CSMD1: variants seen among roughly 807,000 people sequenced by gnomAD.
CSMD1 encodes CUB and Sushi multiple domains 1, also known as CUB and sushi domain-containing protein 1.
CSMD1 carries 213 observed loss-of-function variants against 417.5 expected under a neutral mutation model. The observed-to-expected ratio is 0.51, with a 90% CI of 0.46 to 0.57. The LOEUF is 0.57. Ranked by LOEUF, CSMD1 falls within the 20% of genes least tolerant of loss-of-function variation. CSMD1 has a pLI of 0.00. For synonymous variants in CSMD1, 2,862 were observed against 1,736.8 expected (o/e 1.65, Z -16.11); for missense variants, 6,923 against 4,529.7 (o/e 1.53, Z -15.17).
intron 42 of CSMD1, among the ~76,000 whole-genome samples, chr8:3,113,659 T>G (rs566264212): frequency 2.9e-4 from 44 of 152,216 alleles, no homozygotes; most frequent in Non-Finnish European, 4.4e-5. Flanking sequence ...CTTCGTTCAT[T>G]GACATCCCTG....
At chr8:4,453,839 T>TTTTC (rs869210142) in intron 2 of CSMD1, among the ~76,000 whole-genome samples, 1 of 133,802 alleles carries the variant, frequency 7.5e-6, no homozygotes, top group Non-Finnish European at 1.6e-5. Context: ...TTTTTTTTTT[T>TTTTC]GAGACAGAGT....
At chr8:4,424,068 G>C (rs1563158589) in intron 2 of CSMD1, among the ~76,000 whole-genome samples, 1 of 151,896 alleles carries the variant, frequency 6.6e-6, no homozygotes, top group Non-Finnish European at 1.5e-5. Context: ...AAATATAAAT[G>C]TAAAATGTAA....
intron 26 of CSMD1, among the ~76,000 whole-genome samples, chr8:3,276,037 GT>G (rs1340702691): frequency 6.6e-6 from 1 of 152,122 alleles, no homozygotes; most frequent in Non-Finnish European, 1.5e-5. Context: ...TTTCTGCTCT[GT>G]TTTTTCCCCA....
chr8:3,733,358 TAATA>T (rs1423145074), intron 6 of CSMD1, among the ~76,000 whole-genome samples: 2 of 147,898 alleles, frequency 1.4e-5, no homozygotes, highest in Non-Finnish European at 3.0e-5. Context: ...ATTATATATA[TAATA>T]TATATATAAA....
intron 3 of CSMD1, among the ~76,000 whole-genome samples, chr8:4,296,205 C>G (rs934835190): frequency 3.3e-5 from 5 of 152,050 alleles, no homozygotes; most frequent in Admixed American, 6.6e-5. Flanking sequence ...CAACTCATCT[C>G]CAGCTGGGTC....
chr8:3,698,769 G>A (rs990878098), intron 7 of CSMD1, among the ~76,000 whole-genome samples: 7 of 152,140 alleles, frequency 4.6e-5, no homozygotes, highest in Admixed American at 1.3e-4. Context: ...ATCCATATGC[G>A]GACTAATAGA....
At chr8:4,676,802 T>G (rs2130963371) in intron 1 of CSMD1, among the ~76,000 whole-genome samples, 1 of 152,034 alleles carries the variant, frequency 6.6e-6, no homozygotes, top group African/African-American at 2.4e-5. Context: ...GAGTTGCTCA[T>G]TTTATAAAAT....
intron 3 of CSMD1, among the ~76,000 whole-genome samples, chr8:4,074,361 T>A (rs925199315): frequency 1.3e-5 from 2 of 152,124 alleles, no homozygotes; most frequent in African/African-American, 4.8e-5. Context: ...TAGTATTTAG[T>A]CCATAAATGA....
chr8:4,395,018 C>A (rs575019102), intron 3 of CSMD1, among the ~76,000 whole-genome samples: 1 of 152,126 alleles, frequency 6.6e-6, no homozygotes. Flanking sequence ...AGACCCTTTC[C>A]CTCTGCGTGG....
chr8:3,490,195 T>C (rs1818288620), intron 11 of CSMD1, among the ~76,000 whole-genome samples: 1 of 152,208 alleles, frequency 6.6e-6, no homozygotes, highest in Non-Finnish European at 1.5e-5. Context: ...GCTGATTAAA[T>C]GCCCAGCTGA....
At chr8:4,502,843 T>A (rs542395370) in intron 2 of CSMD1, among the ~76,000 whole-genome samples, 1 of 152,252 alleles carries the variant, frequency 6.6e-6, no homozygotes, top group South Asian at 2.1e-4. Flanking sequence ...CTGCCCATAG[T>A]AGGTACTCAG....
chr8:4,173,695 T>C (rs1425117524), intron 3 of CSMD1, among the ~76,000 whole-genome samples: 1 of 152,260 alleles, frequency 6.6e-6, no homozygotes, highest in South Asian at 2.1e-4. Context: ...ATTTCTGAAT[T>C]ACTCAAATAA....
chr8:4,034,333 T>C (rs1585174507), intron 3 of CSMD1, among the ~76,000 whole-genome samples: 1 of 152,338 alleles, frequency 6.6e-6, no homozygotes, highest in African/African-American at 2.4e-5. Context: ...ATAGTCAAAG[T>C]GTATTCAGTT....
intron 3 of CSMD1, among the ~76,000 whole-genome samples, chr8:4,397,838 A>G (rs1187445390): frequency 2.0e-5 from 3 of 152,156 alleles, no homozygotes; most frequent in Non-Finnish European, 2.9e-5. Context: ...AAAATAATGT[A>G]ATGTCAGGAT....
intron 17 of CSMD1, among the ~76,000 whole-genome samples, chr8:3,394,327 A>C (rs1449247229): frequency 6.7e-6 from 1 of 149,974 alleles, no homozygotes; most frequent in Admixed American, 6.7e-5. Context: ...TGACAAGCTA[A>C]ATAGAAATTT....
At chr8:4,454,385 A>G (rs1402425051) in intron 2 of CSMD1, among the ~76,000 whole-genome samples, 3 of 152,132 alleles carry the variant, frequency 2.0e-5, no homozygotes, top group Non-Finnish European at 4.4e-5. Context: ...TGATTTTCAA[A>G]ATTTGGCTCT....
chr8:3,039,121 G>A (rs548953413), intron 50 of CSMD1, among the ~76,000 whole-genome samples: 3 of 152,162 alleles, frequency 2.0e-5, no homozygotes, highest in Non-Finnish European at 4.4e-5. Flanking sequence ...GGCCATTGCT[G>A]TAAACACCGT....
intron 3 of CSMD1, among the ~76,000 whole-genome samples, chr8:4,400,361 C>T (rs1333194513): frequency 2.0e-5 from 3 of 152,200 alleles, no homozygotes; most frequent in African/African-American, 7.2e-5. Context: ...TCAAAGCTTC[C>T]AAATGCTTTT....
chr8:3,932,840 T>C (rs551736376), intron 5 of CSMD1, among the ~76,000 whole-genome samples: 7 of 150,680 alleles, frequency 4.6e-5, no homozygotes, highest in Admixed American at 3.3e-4. Flanking sequence ...TTTTATGCTA[T>C]TGTTATTAGA....
Sources: allele counts gnomAD v4.1 joint callset (sites outside exome capture counted in the v4.1 genomes callset), GRCh38; gene constraint gnomAD v4.1.1; transcripts MANE v1.5; gene names NCBI Gene and HGNC (gene_info 2026-07-23, HGNC 2026-07-21).